The following SOX6 variants were observed in gnomAD, a reference collection of about 807,000 sequenced individuals.
SOX6 encodes the protein transcription factor SOX-6.
A neutral mutation model predicts 97.8 loss-of-function variants in SOX6; 11 were observed. That is an observed-to-expected ratio of 0.11 (90% CI 0.07 to 0.19). The LOEUF (loss-of-function observed/expected upper bound fraction) is 0.19, where lower values mean the gene tolerates loss of function less well. Among genes scored for constraint, SOX6 ranks in the 10% least tolerant of loss-of-function variants. SOX6 has a pLI of 1.00. For synonymous variants in SOX6, 360 were observed against 371.4 expected (o/e 0.97, Z 0.35); for missense variants, 810 against 1,039.5 (o/e 0.78, Z 3.04).
In SOX6 at chr11:16,087,838, G is replaced by T. The variant is rs144141666; in HGVS notation, c.1101+8158C>A. ...GGGACTTTGTTTTATTCATTGATAC[G>T]TCCCCACTATGTAAAATAGGTGTTC... On this transcript the variant is annotated intron_variant, in intron 9 of 15. Transcript: ENST00000683767. Among the ~76,000 whole-genome samples the T allele has an allele frequency of 1.3e-5, 2 of 151,956 alleles. 1 individual carries two copies. Among genetic ancestry groups the T allele is most frequent in the East Asian group, 3.9e-4 (2 of 5,174 alleles).
At chr11:16,449,591 C>T (rs1364642404) in intron 1 of SOX6, among the ~76,000 whole-genome samples, 1 of 152,036 alleles carries the variant, frequency 6.6e-6, no homozygotes, top group African/African-American at 2.4e-5. Flanking sequence ...GGCGCCCGGC[C>T]GCCCCTTCTT....
chr11:16,460,399 G>C (rs1859898963), intron 1 of SOX6, among the ~76,000 whole-genome samples: 1 of 151,924 alleles, frequency 6.6e-6, no homozygotes, highest in South Asian at 2.1e-4. Context: ...CTCATGTCCA[G>C]AAGATCTCTG....
chr11:16,596,070 C>T (rs1848210172), intron 4 of SOX6, among the ~76,000 whole-genome samples: 1 of 152,142 alleles, frequency 6.6e-6, no homozygotes, highest in Admixed American at 6.5e-5. Context: ...TAAAGAGCTG[C>T]AACACATAAG....
chr11:16,199,759 C>G (rs535481874), intron 4 of SOX6, among the ~76,000 whole-genome samples: 1 of 152,296 alleles, frequency 6.6e-6, no homozygotes, highest in African/African-American at 2.4e-5. Flanking sequence ...TCTCCATCAA[C>G]AGACTTGAAA....
intron 4 of SOX6, among the ~76,000 whole-genome samples, chr11:16,609,596 A>C (rs1318294607): frequency 6.6e-6 from 1 of 152,222 alleles, no homozygotes; most frequent in African/African-American, 2.4e-5. Context: ...TCTCTATTAC[A>C]TTATCTTTGA....
intron 4 of SOX6, among the ~76,000 whole-genome samples, chr11:16,498,408 C>A (rs982317889): frequency 1.3e-5 from 2 of 152,016 alleles, no homozygotes; most frequent in South Asian, 4.1e-4. Flanking sequence ...AACTAACAAG[C>A]AAAATAACCA....
rs557103852 is a variant in SOX6 at position 16,664,601 on chromosome 11, T to G, written n.429+50229A>C. Among the ~76,000 whole-genome samples the G allele has an allele frequency of 2.6e-5, 4 of 152,206 alleles. No individual in the cohort carries two copies. The East Asian group carries it at 7.7e-4, about 29-fold the overall frequency. ...ATGTCCTCTAGGGTCCTAAATAAAC[T>G]TGAAAGGCAGTCTAGGCCACAAAGA... On this transcript the variant is annotated intron_variant and non_coding_transcript_variant, in intron 3 of 5. Transcript: ENST00000524520.
chr11:16,260,068 C>T (rs1028698328), intron 3 of SOX6, among the ~76,000 whole-genome samples: 7 of 151,970 alleles, frequency 4.6e-5, no homozygotes, highest in African/African-American at 1.5e-4. Flanking sequence ...GGCCCAATCT[C>T]GGCTCACAGC....
intron 3 of SOX6, among the ~76,000 whole-genome samples, chr11:16,643,118 G>T (rs761298025): frequency 7.2e-5 from 11 of 152,190 alleles, no homozygotes; most frequent in Non-Finnish European, 1.5e-4. Context: ...CTGTTTGTTA[G>T]TTTTCCTTCT....
rs186974446 is a variant in SOX6 at position 16,683,443 on chromosome 11, C to T, written n.429+31387G>A. Among the ~76,000 whole-genome samples the T allele has an allele frequency of 9.1e-3, 1,379 of 152,230 alleles. 8 individuals carry two copies. Among genetic ancestry groups the T allele is most frequent in the Non-Finnish European group, 0.014 (971 of 68,000 alleles). On this transcript the variant is annotated intron_variant and non_coding_transcript_variant, in intron 3 of 5. Transcript: ENST00000524520. ...AGAAATAACACCACACATCTACAAC[C>T]ATCTGATCTTTGACAAACCTGACAA...
At chr11:16,621,930 AT>A (rs1848550257) in intron 3 of SOX6, among the ~76,000 whole-genome samples, 1 of 152,166 alleles carries the variant, frequency 6.6e-6, no homozygotes, top group South Asian at 2.1e-4. Context: ...GATTTGACTC[AT>A]TTTTTGCTCA....
chr11:16,402,824 T>C (rs768400483), intron 1 of SOX6: 6 of 1,555,592 alleles, frequency 3.9e-6, no homozygotes, highest in Non-Finnish European at 5.2e-6. Context: ...AAGCTCACCA[T>C]GACCTTTCAT....
intron 4 of SOX6, among the ~76,000 whole-genome samples, chr11:16,228,024 C>T (rs1030522204): frequency 6.6e-6 from 1 of 151,920 alleles, no homozygotes; most frequent in African/African-American, 2.4e-5. Context: ...ATGGTGAAAC[C>T]CTGTCTCTAC....
intron 4 of SOX6, among the ~76,000 whole-genome samples, chr11:16,526,938 A>G (rs1019515185): frequency 2.6e-5 from 4 of 152,122 alleles, no homozygotes; most frequent in African/African-American, 9.7e-5. Flanking sequence ...ACCTACATGC[A>G]TAAATGTAGG....
intron 3 of SOX6, among the ~76,000 whole-genome samples, chr11:16,709,517 CAA>C (rs1013121894): frequency 6.9e-6 from 1 of 143,892 alleles, no homozygotes; most frequent in Admixed American, 7.0e-5. Context: ...GACTGTGTCT[CAA>C]AAAAAAAAGA....
At chr11:16,298,849 T>C (rs936126197) in intron 3 of SOX6, among the ~76,000 whole-genome samples, 4 of 152,066 alleles carry the variant, frequency 2.6e-5, no homozygotes, top group African/African-American at 9.7e-5. Flanking sequence ...TAAATACTCC[T>C]ACCAAGATGA....
At chr11:16,417,519 T>A (rs1344117271) in intron 1 of SOX6, among the ~76,000 whole-genome samples, 1 of 152,082 alleles carries the variant, frequency 6.6e-6, no homozygotes, top group African/African-American at 2.4e-5. Context: ...AGGACCAACA[T>A]CCATCTAAAA....
chr11:16,048,183 T>C (rs1847586324), intron 11 of SOX6, among the ~76,000 whole-genome samples: 1 of 152,192 alleles, frequency 6.6e-6, no homozygotes, highest in Non-Finnish European at 1.5e-5. Context: ...ATTTATCTCC[T>C]TGTTGGCTTT....
intron 4 of SOX6, among the ~76,000 whole-genome samples, chr11:16,492,792 G>C (rs1289396324): frequency 2.0e-5 from 3 of 152,006 alleles, no homozygotes; most frequent in Non-Finnish European, 4.4e-5. Flanking sequence ...AAGAAGACAA[G>C]AAATTGAATA....
Sources: allele counts gnomAD v4.1 joint callset (sites outside exome capture counted in the v4.1 genomes callset), GRCh38; gene constraint gnomAD v4.1.1; transcripts MANE v1.5; gene names NCBI Gene and HGNC (gene_info 2026-07-23, HGNC 2026-07-21).